The following RPGRIP1L variants were observed in gnomAD, a reference collection of about 807,000 sequenced individuals.
RPGRIP1L encodes RPGRIP1 like.
Under a neutral mutation model 160.4 loss-of-function variants are expected in RPGRIP1L, and 131 were observed. The ratio of observed to expected loss-of-function variants is 0.82; its 90% CI spans 0.71 to 0.94. The LOEUF is 0.94. RPGRIP1L is among the 40% of genes least tolerant of loss of function. The pLI is 0.00. For synonymous variants in RPGRIP1L, 510 were observed against 515.8 expected (o/e 0.99, Z 0.15); for missense variants, 1,522 against 1,535.8 (o/e 0.99, Z 0.15).
At chr16:53,616,938 T>C (rs1964410454) in intron 24 of RPGRIP1L, among the ~76,000 whole-genome samples, 2 of 151,390 alleles carry the variant, frequency 1.3e-5, no homozygotes, top group South Asian at 4.2e-4. Context: ...TGGGTGTGGC[T>C]GCGTGTCCCT....
rs1967512180 is a variant in RPGRIP1L at position 53,658,870 on chromosome 16, C to A, written c.1252G>T (p.Glu418Ter). 1 of 1,587,048 alleles carries A rather than the reference C, an allele frequency of 6.3e-7. No homozygotes were observed. Among genetic ancestry groups the A allele is most frequent in the Non-Finnish European group, 8.6e-7 (1 of 1,159,474 alleles). Residue 418 changes from glutamate to a stop codon, truncating the protein, a stop_gained, in exon 11 of 27, where the codon GAA becomes TAA. Transcript: ENST00000647211. LOFTEE classifies it high-confidence loss of function. Reference protein sequence around the residue: ...DRLKTERDQNEKLVQENRELQ... With the variant: ...DRLKTERDQN ...TCTCTATTCTCTTGAACGAGTTTTT[C>A]ATTTTGATCTTAAAAATAAAGTCCA... is the stretch of plus-strand genomic sequence containing the variant.
intron 14 of RPGRIP1L, 86 bp from the exon 15 acceptor site, chr16:53,653,073 CT>C: frequency 9.1e-7 from 1 of 1,098,508 alleles, no homozygotes. Context: ...AGAATGAGTA[CT>C]TCTGGTGAAC....
chr16:53,651,153 C>T (rs1322904433), intron 15 of RPGRIP1L, among the ~76,000 whole-genome samples: 2 of 152,130 alleles, frequency 1.3e-5, no homozygotes, highest in East Asian at 1.9e-4. Context: ...CCCAGTTTTC[C>T]CTATCTCAGT....
intron 6 of RPGRIP1L, among the ~76,000 whole-genome samples, chr16:53,685,397 C>T (rs945786313): frequency 2.6e-5 from 4 of 152,178 alleles, no homozygotes; most frequent in African/African-American, 9.7e-5. Context: ...TATAAAGACA[C>T]ATGCACACGT....
chr16:53,608,167 T>C (rs937962155), intron 25 of RPGRIP1L, among the ~76,000 whole-genome samples: 9 of 152,184 alleles, frequency 5.9e-5, no homozygotes, highest in South Asian at 2.1e-4. Context: ...CATCTCTCTA[T>C]ACTCCTTCAT....
chr16:53,670,143 T>C (rs57059479), intron 9 of RPGRIP1L, among the ~76,000 whole-genome samples: 7,365 of 152,204 alleles, frequency 0.048, 596 homozygotes, highest in African/African-American at 0.17. Context: ...GTAAATAACA[T>C]AGATGATACA....
chr16:53,673,677 C>G (rs1330296198), intron 7 of RPGRIP1L, among the ~76,000 whole-genome samples: 2 of 152,056 alleles, frequency 1.3e-5, no homozygotes, highest in Non-Finnish European at 2.9e-5. Context: ...TAACTTAAAT[C>G]TCTCAAGTCC....
At chr16:53,625,866 A>G (rs1965119269) in intron 22 of RPGRIP1L, among the ~76,000 whole-genome samples, 1 of 152,120 alleles carries the variant, frequency 6.6e-6, no homozygotes, top group African/African-American at 2.4e-5. Flanking sequence ...TCTCTGAAAC[A>G]TGTGCTGTGT....
chr16:53,642,834 A>G (rs1391338106), intron 17 of RPGRIP1L, among the ~76,000 whole-genome samples: 2 of 152,178 alleles, frequency 1.3e-5, no homozygotes, highest in African/African-American at 4.8e-5. Context: ...CAAAATATAG[A>G]TAATTTCATG....
intron 4 of RPGRIP1L, among the ~76,000 whole-genome samples, chr16:53,691,775 G>C (rs1970399559): frequency 6.6e-6 from 1 of 152,164 alleles, no homozygotes; most frequent in Admixed American, 6.5e-5. Context: ...CCACCTGCCT[G>C]AGTACAGTGG....
intron 21 of RPGRIP1L, among the ~76,000 whole-genome samples, chr16:53,636,801 T>C (rs1163580865): frequency 1.3e-5 from 2 of 152,092 alleles, no homozygotes; most frequent in Non-Finnish European, 2.9e-5. Flanking sequence ...CATAGGGTAA[T>C]AGATGTTTTT....
chr16:53,619,310 C>G (rs1207460986), intron 23 of RPGRIP1L, 102 bp from the exon 24 acceptor site: 2 of 1,013,230 alleles, frequency 2.0e-6, no homozygotes, highest in East Asian at 4.9e-5. Context: ...AACACGAAGG[C>G]CAATGGGCTT....
intron 17 of RPGRIP1L, among the ~76,000 whole-genome samples, chr16:53,643,602 T>G (rs1966375582): frequency 6.6e-6 from 1 of 152,122 alleles, no homozygotes; most frequent in East Asian, 1.9e-4. Context: ...CTTTGAACAA[T>G]CACTGACTGA....
intron 9 of RPGRIP1L, among the ~76,000 whole-genome samples, chr16:53,668,736 C>T (rs1184781330): frequency 3.3e-5 from 5 of 152,116 alleles, no homozygotes; most frequent in Non-Finnish European, 7.4e-5. Flanking sequence ...TTACATACCA[C>T]AGTATAGAGT....
chr16:53,620,017 T>G (rs1001549447), intron 23 of RPGRIP1L, among the ~76,000 whole-genome samples: 2 of 152,148 alleles, frequency 1.3e-5, no homozygotes, highest in Non-Finnish European at 2.9e-5. Flanking sequence ...TTAAATCTGT[T>G]TTTTACAATT....
At chr16:53,654,753 G>T (rs140563682) in intron 14 of RPGRIP1L, among the ~76,000 whole-genome samples, 281 of 152,266 alleles carry the variant, frequency 1.8e-3, no homozygotes, top group African/African-American at 6.7e-3. Flanking sequence ...GATAAAATAT[G>T]ATGGTTAAAA....
At chr16:53,645,495 A>C in intron 17 of RPGRIP1L, 130 bp downstream of exon 17, 3 of 721,398 alleles carry the variant, frequency 4.2e-6, no homozygotes, top group Admixed American at 3.2e-5. Flanking sequence ...AAAATATAGT[A>C]ATATAGGCCT....
In RPGRIP1L at chr16:53,650,645, G is replaced by A. The variant is rs535995468; in HGVS notation, c.2153-1530C>T. Among the ~76,000 whole-genome samples the A allele has an allele frequency of 7.9e-5, 12 of 152,314 alleles. No homozygotes were observed. The East Asian group carries it at 2.1e-3, about 27-fold the overall frequency. On this transcript the variant is annotated intron_variant, in intron 15 of 26. Coordinates refer to ENST00000647211, the MANE Select transcript of RPGRIP1L (RefSeq NM_015272.5). ...GGGGACCCAGGGTGGCTAAGGAAAA[G>A]GGGAGGGAGGTAGACATTGAAGTCT...
chr16:53,606,510 T>C (rs184159730), intron 25 of RPGRIP1L, among the ~76,000 whole-genome samples: 58 of 152,362 alleles, frequency 3.8e-4, no homozygotes, highest in African/African-American at 8.2e-4. Flanking sequence ...CAAATGCTTA[T>C]AGGTAAACAT....
Sources: gnomAD v4.1 joint callset for allele counts (sites outside exome capture counted in the v4.1 genomes callset) on GRCh38, gnomAD v4.1.1 for gene constraint, MANE v1.5 for transcripts, NCBI Gene and HGNC (gene_info 2026-07-23, HGNC 2026-07-21) for gene names.